DYM: variants seen among roughly 807,000 people sequenced by gnomAD.
DYM encodes the protein dyggve-Melchior-Clausen syndrome protein.
Under a neutral mutation model 93.1 loss-of-function variants are expected in DYM, and 78 were observed. The ratio of observed to expected loss-of-function variants is 0.84; its 90% CI spans 0.70 to 1.01. The LOEUF (loss-of-function observed/expected upper bound fraction) is 1.01, where lower values mean the gene tolerates loss of function less well. Ranked by LOEUF, DYM falls within the 50% of genes least tolerant of loss-of-function variation. The pLI is 0.00. For synonymous variants in DYM, 321 were observed against 319.7 expected, an observed-to-expected ratio of 1.00 and a Z score of -0.04; for missense variants, 789 against 845.0, an observed-to-expected ratio of 0.93 and a Z score of 0.82.
At chr18:49,067,330 G>A (rs1033866129) in intron 17 of DYM, among the ~76,000 whole-genome samples, 2 of 133,960 alleles carry the variant, frequency 1.5e-5, no homozygotes, top group East Asian at 5.2e-4. Flanking sequence ...GGGGTGATGT[G>A]TTATGGAGAT....
intron 1 of DYM, 104 bp from the exon 2 acceptor site, chr18:49,430,551 G>A (rs936942693): frequency 1.5e-5 from 14 of 906,988 alleles, no homozygotes; most frequent in Admixed American, 2.6e-5. Flanking sequence ...ACACATTTCT[G>A]TATTTATAAA....
rs1387394904 is a variant in DYM, at chr18:49,090,870, T to C, written c.2025+6532A>G. Among the ~76,000 whole-genome samples the C allele has an allele frequency of 6.6e-5, 10 of 152,258 alleles. 1 individual carries two copies. Among genetic ancestry groups the C allele is most frequent in the South Asian group, 6.2e-4 (3 of 4,818 alleles). ...GAAAATTTAGTTAGGCCAATTTACA[T>C]AGGAATTAGCTTATTGATGAGAACT... is the stretch of plus-strand genomic sequence containing the variant. On this transcript the variant is annotated intron_variant, in intron 17 of 17. Coordinates refer to ENST00000675505, the MANE Select transcript of DYM (RefSeq NM_001353214.3).
chr18:49,313,821 T>A (rs2061759771), intron 8 of DYM, among the ~76,000 whole-genome samples: 1 of 152,046 alleles, frequency 6.6e-6, no homozygotes, highest in African/African-American at 2.4e-5. Flanking sequence ...GAGACAATGA[T>A]GAGGAAACCC....
At chr18:49,164,867 A>G (rs1016840923) in intron 14 of DYM, among the ~76,000 whole-genome samples, 3 of 152,186 alleles carry the variant, frequency 2.0e-5, no homozygotes, top group African/African-American at 7.2e-5. Flanking sequence ...TAGAGTGCAA[A>G]TTACTTTATT....
At chr18:49,109,195 T>C (rs917874660) in intron 16 of DYM, among the ~76,000 whole-genome samples, 1 of 151,696 alleles carries the variant, frequency 6.6e-6, no homozygotes, top group Admixed American at 6.6e-5. Context: ...GCATCAGGAT[T>C]ATTTGCATTT....
At chr18:49,356,883 C>A (rs910714673) in intron 6 of DYM, among the ~76,000 whole-genome samples, 2 of 152,210 alleles carry the variant, frequency 1.3e-5, no homozygotes, top group African/African-American at 4.8e-5. Context: ...CTCAGTTTCA[C>A]ACTCAAATAT....
At chr18:49,323,901 T>A (rs2957171) in intron 8 of DYM, among the ~76,000 whole-genome samples, 4 of 151,996 alleles carry the variant, frequency 2.6e-5, no homozygotes, top group Non-Finnish European at 4.4e-5. Context: ...TAATTCCAGC[T>A]CCAAGGCGGG....
intron 6 of DYM, among the ~76,000 whole-genome samples, chr18:49,335,525 T>C (rs552200343): frequency 1.3e-5 from 2 of 152,220 alleles, no homozygotes; most frequent in Non-Finnish European, 2.9e-5. Context: ...CTTTCATGAA[T>C]TGAATGAAAG....
chr18:49,267,326 T>C (rs970519433), intron 11 of DYM, among the ~76,000 whole-genome samples: 1 of 152,144 alleles, frequency 6.6e-6, no homozygotes, highest in South Asian at 2.1e-4. Context: ...CCATACTGTA[T>C]ATGAAAATAC....
intron 15 of DYM, among the ~76,000 whole-genome samples, chr18:49,126,885 C>T (rs958551487): frequency 6.6e-6 from 1 of 152,148 alleles, no homozygotes; most frequent in Non-Finnish European, 1.5e-5. Context: ...ACTCATGTTT[C>T]TTAGTTTTAA....
At chr18:49,343,752 A>C (rs2064344731) in intron 6 of DYM, among the ~76,000 whole-genome samples, 1 of 152,194 alleles carries the variant, frequency 6.6e-6, no homozygotes, top group Non-Finnish European at 1.5e-5. Context: ...ACAAATTTTA[A>C]ATGATGAAAA....
chr18:49,297,330 A>G (rs12960046), intron 8 of DYM, among the ~76,000 whole-genome samples: 25,842 of 152,218 alleles, frequency 0.17, 2,826 homozygotes, highest in Middle Eastern at 0.27. Context: ...AGTAAAACAC[A>G]AAAGAATACA....
At chr18:49,106,198 A>G (rs1456057799) in intron 16 of DYM, among the ~76,000 whole-genome samples, 1 of 152,150 alleles carries the variant, frequency 6.6e-6, no homozygotes, top group Non-Finnish European at 1.5e-5. Context: ...TTGTTGGTTT[A>G]AAGTCTGTTT....
chr18:49,352,362 T>C (rs185435870), intron 6 of DYM, among the ~76,000 whole-genome samples: 17 of 152,324 alleles, frequency 1.1e-4, no homozygotes, highest in African/African-American at 3.8e-4. Context: ...TTTTGTAGCA[T>C]ATGAATGCTA....
chr18:49,326,905 C>T (rs569973), intron 8 of DYM, among the ~76,000 whole-genome samples: 11,725 of 151,692 alleles, frequency 0.077, 668 homozygotes, highest in Non-Finnish European at 0.12. Context: ...TAAGCGATAT[C>T]CTCTTTCAGG....
intron 14 of DYM, among the ~76,000 whole-genome samples, chr18:49,166,018 A>ACG (rs919692944): frequency 6.6e-6 from 1 of 151,584 alleles, no homozygotes; most frequent in Non-Finnish European, 1.5e-5. Flanking sequence ...ATAAGAGCAC[A>ACG]CACTTTTTTC....
intron 14 of DYM, among the ~76,000 whole-genome samples, chr18:49,174,437 C>A (rs976827196): frequency 6.6e-6 from 1 of 152,126 alleles, no homozygotes; most frequent in Non-Finnish European, 1.5e-5. Flanking sequence ...AGCTAGAATT[C>A]ACAGCCTGGT....
intron 1 of DYM, among the ~76,000 whole-genome samples, chr18:49,443,849 T>C (rs2081876959): frequency 6.6e-6 from 1 of 152,236 alleles, no homozygotes; most frequent in African/African-American, 2.4e-5. Flanking sequence ...AAATTGTGTT[T>C]GATTACAGCA....
At chr18:49,279,591 C>T (rs529831164) in intron 10 of DYM, among the ~76,000 whole-genome samples, 5 of 152,294 alleles carry the variant, frequency 3.3e-5, no homozygotes, top group Middle Eastern at 3.4e-3. Flanking sequence ...TGTCATCAAA[C>T]GCAGACAGCT....
Sources: gnomAD v4.1 joint callset for allele counts (sites outside exome capture counted in the v4.1 genomes callset) on GRCh38, gnomAD v4.1.1 for gene constraint, MANE v1.5 for transcripts, NCBI Gene and HGNC (gene_info 2026-07-23, HGNC 2026-07-21) for gene names.